Variants in CSNK1A1 observed in about 807,000 individuals in gnomAD.
CSNK1A1 encodes casein kinase I isoform alpha.
A neutral mutation model predicts 46.1 loss-of-function variants in CSNK1A1; 7 were observed. The observed-to-expected ratio is 0.15, with a 90% CI of 0.09 to 0.29. The LOEUF (loss-of-function observed/expected upper bound fraction) is 0.29. Ranked by LOEUF, CSNK1A1 falls within the 10% of genes least tolerant of loss-of-function variation. CSNK1A1 has a pLI of 1.00. For synonymous variants in CSNK1A1, 137 were observed against 141.5 expected (o/e 0.97, Z 0.23); for missense variants, 96 against 417.1 (o/e 0.23, Z 6.71).
chr5:149,509,849 ATTT>A, intron 7 of CSNK1A1, 27 bp downstream of exon 7: 1 of 1,554,860 alleles, frequency 6.4e-7, no homozygotes, highest in Non-Finnish European at 8.8e-7. Flanking sequence ...CTTCATTTAT[ATTT>A]TTTTAATATT....
chr5:149,542,623 T>C (rs1399774136), intron 2 of CSNK1A1, among the ~76,000 whole-genome samples: 8 of 13,324 alleles, frequency 6.0e-4, no homozygotes, highest in African/African-American at 3.9e-3. Flanking sequence ...TATATATATA[T>C]ATATATATAT....
intron 9 of CSNK1A1, chr5:149,500,936 A>G (rs760153818): frequency 2.0e-6 from 2 of 981,530 alleles, no homozygotes; most frequent in African/African-American, 1.8e-5. Context: ...GCATTAAAAA[A>G]CAGACTGAAT....
chr5:149,498,156 G>C, intron 9 of CSNK1A1: 2 of 985,230 alleles, frequency 2.0e-6, no homozygotes, highest in Non-Finnish European at 2.4e-6. Flanking sequence ...AACATTTGTT[G>C]GGCCATCTCC....
At position 149,495,414 on chromosome 5, in the gene CSNK1A1, CA is replaced by C. The variant is rs1380117151; in HGVS notation, c.*1438del. 1 of 151,992 alleles carries C rather than the reference CA, an allele frequency of 6.6e-6. No individual in the cohort carries two copies. The highest frequency in any genetic ancestry group is 1.9e-4 in the East Asian group (1 of 5,182). The allele number at this position is 151,992 out of a possible 1,614,324, so 9.4% of individuals were successfully genotyped here. ...AATTACACTATTTAAAAATTATCAT[CA>C]GTAAGTTTTCCTTTCTCATGGGTCA... On this transcript the variant is annotated 3_prime_UTR_variant, in exon 10 of 10. Transcript: ENST00000377843.
At chr5:149,524,987 T>C in intron 3 of CSNK1A1, 58 bp downstream of exon 3, 2 of 1,466,658 alleles carry the variant, frequency 1.4e-6, no homozygotes, top group Middle Eastern at 1.8e-4. Flanking sequence ...TTATGAATAA[T>C]GAAATTCCAG....
chr5:149,508,318 C>G lies in CSNK1A1; in HGVS notation c.751-1185G>C, dbSNP rs1046621655. Among the ~76,000 whole-genome samples, 8 of 152,078 alleles carry G rather than the reference C, an allele frequency of 5.3e-5. No homozygotes were observed. In the East Asian group the frequency reaches 1.5e-3, roughly 29 times the overall value. On this transcript the variant is annotated intron_variant, in intron 7 of 9. Coordinates refer to ENST00000377843, the MANE Select transcript of CSNK1A1 (RefSeq NM_001892.6). ...ATACATATTATACATCTTTCTAAAA[C>G]TCAACATTTATATACATTTATGGCC...
At chr5:149,540,103 T>C (rs1422237421) in intron 2 of CSNK1A1, among the ~76,000 whole-genome samples, 6 of 152,210 alleles carry the variant, frequency 3.9e-5, no homozygotes, top group Non-Finnish European at 8.8e-5. Context: ...GAGGCATCTT[T>C]TGTCCTACTG....
chr5:149,514,508 T>C (rs1241211907), intron 4 of CSNK1A1, among the ~76,000 whole-genome samples: 1 of 152,180 alleles, frequency 6.6e-6, no homozygotes, highest in Non-Finnish European at 1.5e-5. Context: ...GCCCTTACAC[T>C]ATATAGCCCT....
At chr5:149,522,229 C>A (rs911473532) in intron 3 of CSNK1A1, among the ~76,000 whole-genome samples, 38 of 152,054 alleles carry the variant, frequency 2.5e-4, no homozygotes, top group African/African-American at 9.2e-4. Context: ...CAGCTCAGCC[C>A]CCTGAGAAGC....
In CSNK1A1 at chr5:149,516,484, T is replaced by C. The variant is rs191735076; in HGVS notation, c.457-3275A>G. Among the ~76,000 whole-genome samples, 945 of 151,426 alleles carry C rather than the reference T, an allele frequency of 6.2e-3. 9 individuals are homozygous for C. The highest frequency in any genetic ancestry group is 0.022 in the African/African-American group (895 of 41,064). On this transcript the variant is annotated intron_variant, in intron 4 of 9. Coordinates refer to ENST00000377843, the MANE Select transcript of CSNK1A1 (RefSeq NM_001892.6). ...AGTACTTGCAGCATTTTTTTTTTTT[T>C]CCTAACCAGGGGTCATAATTTCCCT...
At chr5:149,542,692 ATTT>A (rs869143376) in intron 2 of CSNK1A1, among the ~76,000 whole-genome samples, 170 of 16,186 alleles carry the variant, frequency 0.011, 11 homozygotes, top group East Asian at 0.059. Context: ...ATATATATAT[ATTT>A]TTTTTTTTTT....
intron 2 of CSNK1A1, among the ~76,000 whole-genome samples, chr5:149,537,325 G>A (rs536683964): frequency 1.3e-5 from 2 of 152,298 alleles, no homozygotes; most frequent in South Asian, 2.1e-4. Context: ...GCAGTGAGCC[G>A]AGATCGTGCC....
intron 9 of CSNK1A1, chr5:149,497,359 T>C: frequency 1.0e-6 from 1 of 986,434 alleles, no homozygotes; most frequent in Non-Finnish European, 1.2e-6. Context: ...CTGAGAAGCA[T>C]GTAATTTCTG....
At chr5:149,520,417 G>T in intron 3 of CSNK1A1, 29 bp from the exon 4 acceptor site, 1 of 1,240,464 alleles carries the variant, frequency 8.1e-7, no homozygotes, top group East Asian at 2.3e-5. Flanking sequence ...AGAGATAATT[G>T]AGTTAAGTAG....
chr5:149,529,200 T>C (rs1402278568), intron 2 of CSNK1A1, among the ~76,000 whole-genome samples: 1 of 152,202 alleles, frequency 6.6e-6, no homozygotes, highest in African/African-American at 2.4e-5. Flanking sequence ...TTTCCATTTG[T>C]TTCAAATCTA....
At chr5:149,510,644 A>T (rs1294454574) in intron 6 of CSNK1A1, among the ~76,000 whole-genome samples, 1 of 144,294 alleles carries the variant, frequency 6.9e-6, no homozygotes, top group African/African-American at 2.5e-5. Flanking sequence ...ACACCCTGCT[A>T]TTTTTTTTTT....
chr5:149,544,053 A>C (rs1019427479), intron 2 of CSNK1A1, among the ~76,000 whole-genome samples: 1 of 152,330 alleles, frequency 6.6e-6, no homozygotes, highest in African/African-American at 2.4e-5. Flanking sequence ...AGTCCTTAGG[A>C]TCAATGAGGC....
At chr5:149,499,713 C>T (rs985220714) in intron 9 of CSNK1A1, among the ~76,000 whole-genome samples, 10 of 151,802 alleles carry the variant, frequency 6.6e-5, no homozygotes, top group Non-Finnish European at 1.3e-4. Flanking sequence ...TCAGCCTCCC[C>T]ACAAAGTGTG....
At chr5:149,529,046 G>A (rs1397603010) in intron 2 of CSNK1A1, among the ~76,000 whole-genome samples, 1 of 152,032 alleles carries the variant, frequency 6.6e-6, no homozygotes, top group African/African-American at 2.4e-5. Context: ...CAGGTACTCA[G>A]GTAATTATGA....
Sources: allele counts gnomAD v4.1 joint callset (sites outside exome capture counted in the v4.1 genomes callset), GRCh38; gene constraint gnomAD v4.1.1; transcripts MANE v1.5; gene names NCBI Gene and HGNC (gene_info 2026-07-23, HGNC 2026-07-21).